The following PUS10 variants were observed in gnomAD, a reference collection of about 807,000 sequenced individuals.
PUS10 encodes the protein tRNA pseudouridine synthase Pus10.
PUS10 carries 59 observed loss-of-function variants against 75.0 expected under a neutral mutation model. The observed-to-expected ratio is 0.79, with a 90% CI of 0.64 to 0.98. The LOEUF is 0.98. Among genes scored for constraint, PUS10 ranks in the 50% least tolerant of loss-of-function variants. PUS10 has a pLI of 0.00. For missense variants in PUS10, 650 were observed against 614.4 expected (o/e 1.06, Z -0.61); for synonymous variants, 219 against 211.6 (o/e 1.03, Z -0.30).
intron 14 of PUS10, 127 bp from the exon 15 acceptor site, chr2:60,953,241 A>T (rs925931507): frequency 3.1e-6 from 2 of 637,214 alleles, no homozygotes; most frequent in African/African-American, 3.7e-5. Context: ...CAATTCAATG[A>T]TTTTTAGTAT....
intron 4 of PUS10, among the ~76,000 whole-genome samples, chr2:61,005,271 AAAC>A (rs1007026476): frequency 6.6e-5 from 10 of 152,186 alleles, no homozygotes; most frequent in African/African-American, 1.9e-4. Flanking sequence ...CAAAACAAAC[AAAC>A]AAACAAACAA....
rs1223595350 is a variant in PUS10, at chr2:60,995,225, G to A, written c.468+11332C>T. Among the ~76,000 whole-genome samples the A allele has an allele frequency of 4.6e-5, 7 of 152,292 alleles. No individual in the cohort carries two copies. In the South Asian group the frequency reaches 1.0e-3, roughly 23 times the overall value. On this transcript the variant is annotated intron_variant, in intron 4 of 17. Transcript: ENST00000316752. ...ATGATAACACCACCTACTTTAAGGG[G>A]TTGTGATTATTAAATGAAAGAGCAC...
intron 11 of PUS10, among the ~76,000 whole-genome samples, chr2:60,958,742 C>T (rs1675831725): frequency 6.6e-6 from 1 of 152,024 alleles, no homozygotes; most frequent in African/African-American, 2.4e-5. Context: ...AAAAATTAGC[C>T]AGGCATGGTG....
chr2:60,956,255 A>G (rs1390757669), intron 11 of PUS10, among the ~76,000 whole-genome samples: 1 of 152,230 alleles, frequency 6.6e-6, no homozygotes, highest in East Asian at 1.9e-4. Flanking sequence ...CAATATCGGT[A>G]TCTTCTAATC....
intron 4 of PUS10, among the ~76,000 whole-genome samples, chr2:60,993,859 G>A (rs370441440): frequency 3.9e-5 from 6 of 151,940 alleles, no homozygotes; most frequent in Admixed American, 6.6e-5. Context: ...GCGCGATCTC[G>A]GCTCACTGCA....
intron 4 of PUS10, among the ~76,000 whole-genome samples, chr2:60,976,217 G>T (rs1677025810): frequency 6.6e-6 from 1 of 152,222 alleles, no homozygotes; most frequent in Non-Finnish European, 1.5e-5. Context: ...TAATACTGTT[G>T]TTGAACTGAA....
chr2:60,982,361 C>T (rs919298038), intron 4 of PUS10, among the ~76,000 whole-genome samples: 5 of 152,148 alleles, frequency 3.3e-5, no homozygotes, highest in African/African-American at 4.8e-5. Context: ...CTCCTGGGTT[C>T]ATGCAATGCT....
chr2:61,005,173 A>C (rs1181484475), intron 4 of PUS10, among the ~76,000 whole-genome samples: 1 of 152,198 alleles, frequency 6.6e-6, no homozygotes, highest in Non-Finnish European at 1.5e-5. Context: ...AGGCAGGAGA[A>C]TCGCTTGAAC....
rs143452015 is a variant in PUS10 at position 60,999,734 on chromosome 2, T to G, written c.468+6823A>C. On this transcript the variant is annotated intron_variant, in intron 4 of 17. Transcript: ENST00000316752. ...ATATAGTGCACACTTTCTTTCTATG[T>G]ATCTTGGCCAAGTACATTGGCACTC... Among the ~76,000 whole-genome samples the G allele has an allele frequency of 2.8e-4, 43 of 152,312 alleles. 1 individual carries two copies. The East Asian group carries it at 8.1e-3, about 29-fold the overall frequency.
intron 4 of PUS10, among the ~76,000 whole-genome samples, chr2:61,000,152 G>A (rs1008815439): frequency 3.9e-5 from 6 of 151,998 alleles, no homozygotes; most frequent in Non-Finnish European, 8.8e-5. Flanking sequence ...ATCCTGTTCT[G>A]GATAATTCTA....
chr2:61,018,047 G>T lies in PUS10; in HGVS notation c.-55C>A. 1 of 1,461,398 alleles carries T rather than the reference G, an allele frequency of 6.8e-7. No homozygotes were observed. Among genetic ancestry groups the T allele is most frequent in the South Asian group, 1.4e-5 (1 of 73,304 alleles). The allele number at this position is 1,461,398 out of a possible 1,614,324, so 90.5% of individuals were successfully genotyped here. A position where few individuals can be genotyped will look rare whatever the true frequency, so the allele number is the denominator to read the frequency against. Reference sequence around the variant, plus strand: ...GTGTCTCACAGCTGTTTCTGACCCGGCAGCTCTAATCAGCAACGTTTTTTT... The same window carrying T: ...GTGTCTCACAGCTGTTTCTGACCCGTCAGCTCTAATCAGCAACGTTTTTTT... On this transcript the variant is annotated 5_prime_UTR_variant, in exon 1 of 18. Coordinates refer to ENST00000316752, the MANE Select transcript of PUS10 (RefSeq NM_144709.4).
At chr2:60,983,619 G>A (rs1677543326) in intron 4 of PUS10, among the ~76,000 whole-genome samples, 1 of 151,930 alleles carries the variant, frequency 6.6e-6, no homozygotes, top group Non-Finnish European at 1.5e-5. Flanking sequence ...GGAGGTTGCA[G>A]TGAGCCGAGA....
chr2:60,971,665 C>A, intron 4 of PUS10, 108 bp from the exon 5 acceptor site: 1 of 1,027,558 alleles, frequency 9.7e-7, no homozygotes, highest in Non-Finnish European at 1.5e-6. Context: ...TAATCAAACT[C>A]CCCTTTTTAG....
At chr2:60,976,714 T>C (rs1677051910) in intron 4 of PUS10, among the ~76,000 whole-genome samples, 1 of 152,236 alleles carries the variant, frequency 6.6e-6, no homozygotes, top group African/African-American at 2.4e-5. Flanking sequence ...GCTTAAAGGC[T>C]GAATCTCAAA....
At chr2:60,951,573 G>A (rs1255219789) in intron 15 of PUS10, among the ~76,000 whole-genome samples, 2 of 152,098 alleles carry the variant, frequency 1.3e-5, no homozygotes, top group Non-Finnish European at 2.9e-5. Context: ...TTCCACGAGG[G>A]TTCGTGCTTT....
At chr2:60,975,012 T>C (rs1438853123) in intron 4 of PUS10, among the ~76,000 whole-genome samples, 2 of 152,256 alleles carry the variant, frequency 1.3e-5, no homozygotes, top group Non-Finnish European at 2.9e-5. Flanking sequence ...GTCTCACCAG[T>C]ACCTTCTGAT....
At chr2:60,952,334 CAA>C (rs78551218) in intron 15 of PUS10, among the ~76,000 whole-genome samples, 28,315 of 100,220 alleles carry the variant, frequency 0.28, 3,149 homozygotes, top group Non-Finnish European at 0.36. Flanking sequence ...GACTCTGTCT[CAA>C]AAAAAAAAAA....
chr2:61,001,762 G>A (rs780009501), intron 4 of PUS10, among the ~76,000 whole-genome samples: 5 of 152,160 alleles, frequency 3.3e-5, no homozygotes, highest in Non-Finnish European at 7.3e-5. Context: ...CAGAGGCAGA[G>A]ATAGAAAGAG....
In PUS10 at chr2:61,006,632, C is replaced by A. The variant is rs1465652803; in HGVS notation, c.393G>T (p.Lys131Asn). Residue 131 changes from lysine to asparagine, a missense_variant, in exon 4 of 18, where the codon AAG becomes AAT. Coordinates refer to ENST00000316752, the MANE Select transcript of PUS10 (RefSeq NM_144709.4). ...TGAATTCAAACCCAGAGGCCTCAAC[C>A]TTTTGGCACACCTGAAAAAGCATTA... Reference protein sequence around the residue: ...EKDFIKKVCQKVEASGFEFTS... With the variant: ...EKDFIKKVCQNVEASGFEFTS... The A allele has an allele frequency of 3.1e-6, 5 of 1,611,794 alleles. No individual in the cohort carries two copies. Among genetic ancestry groups the A allele is most frequent in the African/African-American group, 1.3e-5 (1 of 74,802 alleles).
Sources: allele counts gnomAD v4.1 joint callset (sites outside exome capture counted in the v4.1 genomes callset), GRCh38; gene constraint gnomAD v4.1.1; transcripts MANE v1.5; gene names NCBI Gene and HGNC (gene_info 2026-07-23, HGNC 2026-07-21).